TLN2: variants seen among roughly 807,000 people sequenced by gnomAD.
TLN2 encodes talin-2.
A neutral mutation model predicts 294.7 loss-of-function variants in TLN2; 118 were observed. That is an observed-to-expected ratio of 0.40 (90% confidence interval 0.34 to 0.47). TLN2 has a LOEUF of 0.47. TLN2 is among the 20% of genes least tolerant of loss of function. TLN2 has a pLI of 0.84. For synonymous variants in TLN2, 1,431 were observed against 1,304.5 expected, an observed-to-expected ratio of 1.10 and a Z score of -2.09; for missense variants, 3,083 against 3,282.2, an observed-to-expected ratio of 0.94 and a Z score of 1.48.
chr15:62,618,251 A>T (rs1279451967), intron 2 of TLN2, 100 bp from the exon 3 acceptor site: 3 of 152,140 alleles, frequency 2.0e-5, no homozygotes, highest in Non-Finnish European at 4.4e-5. Context: ...ATTTTTGTTT[A>T]GGTATTCTGT....
chr15:62,702,021 G>A lies in TLN2; in HGVS notation c.1726G>A (p.Val576Met). 1 of 1,614,246 alleles carries A rather than the reference G, an allele frequency of 6.2e-7. No homozygotes were observed. The highest frequency in any genetic ancestry group is 8.5e-7 in the Non-Finnish European group (1 of 1,180,054). ...GDPADTDYTA[V>M]GCAITTISSN... Reference sequence around the variant, plus strand: ...CCCTGCAGACACTGACTACACAGCTGTGGGATGTGCGATCACCACTATTTC... The same window carrying A: ...CCCTGCAGACACTGACTACACAGCTATGGGATGTGCGATCACCACTATTTC... Residue 576 changes from valine (V) to methionine (M), a missense_variant, in exon 18 of 59, where the codon GTG becomes ATG. Transcript: ENST00000636159.
chr15:62,442,155 G>A (rs963114426), intron 1 of TLN2, among the ~76,000 whole-genome samples: 9 of 151,868 alleles, frequency 5.9e-5, no homozygotes, highest in East Asian at 1.9e-4. Flanking sequence ...AACTGAGCCC[G>A]CCACCCCGAC....
At chr15:62,423,345 C>T (rs752191662) in intron 1 of TLN2, among the ~76,000 whole-genome samples, 9 of 152,092 alleles carry the variant, frequency 5.9e-5, no homozygotes, top group Non-Finnish European at 1.3e-4. Flanking sequence ...TACTCCAGCC[C>T]AGGTGATAGA....
At position 62,766,311 on chromosome 15, in the gene TLN2, T is replaced by C; in HGVS notation, c.5095-10T>C. 6.2e-7 allele frequency: 1 copy of C among 1,608,728 alleles called. No individual in the cohort carries two copies. Among genetic ancestry groups the C allele is most frequent in the Non-Finnish European group, 8.5e-7 (1 of 1,175,658 alleles). ...TTATGGGATGAACTTGACACTTCTC[T>C]CCTTATCAGGCCCTGCAGGAGCAGC... On this transcript the variant is annotated splice_polypyrimidine_tract_variant and intron_variant, in intron 40 of 58. Coordinates refer to ENST00000636159, the MANE Select transcript of TLN2 (RefSeq NM_015059.3).
chr15:62,682,467 CT>C (rs1305484176), intron 11 of TLN2, among the ~76,000 whole-genome samples: 1 of 152,108 alleles, frequency 6.6e-6, no homozygotes, highest in Admixed American at 6.5e-5. Flanking sequence ...TTCTCAGTGG[CT>C]AGGAAATGTG....
chr15:62,769,285 C>A (rs2063205769), intron 41 of TLN2, among the ~76,000 whole-genome samples: 2 of 152,242 alleles, frequency 1.3e-5, no homozygotes, highest in Admixed American at 1.3e-4. Context: ...GGTGGTGACA[C>A]CAGTGCCCTT....
chr15:62,447,168 TTTGTTTA>T (rs2035864490), intron 1 of TLN2, among the ~76,000 whole-genome samples: 2 of 21,376 alleles, frequency 9.4e-5, no homozygotes, highest in South Asian at 3.1e-3. Context: ...TATTTATTTA[TTTGTTTA>T]TTTATTTATT....
chr15:62,620,262 A>G (rs937716068), intron 3 of TLN2, among the ~76,000 whole-genome samples: 3 of 152,214 alleles, frequency 2.0e-5, no homozygotes, highest in Non-Finnish European at 4.4e-5. Context: ...TAATCAGTGC[A>G]GTAAAAATTT....
At chr15:62,748,730 G>A (rs2061753971) in intron 33 of TLN2, among the ~76,000 whole-genome samples, 1 of 152,220 alleles carries the variant, frequency 6.6e-6, no homozygotes, top group South Asian at 2.1e-4. Context: ...TTTCAAACAG[G>A]AAGAGGCCTG....
chr15:62,622,809 A>C (rs2048947661), intron 3 of TLN2, among the ~76,000 whole-genome samples: 1 of 152,152 alleles, frequency 6.6e-6, no homozygotes. Context: ...TGTCATGGAC[A>C]CTCCAACTTT....
At chr15:62,572,931 C>T (rs1189284734) in intron 1 of TLN2, among the ~76,000 whole-genome samples, 1 of 152,126 alleles carries the variant, frequency 6.6e-6, no homozygotes, top group Non-Finnish European at 1.5e-5. Flanking sequence ...TGCTGTCCTC[C>T]CCTGGCCAAG....
At chr15:62,713,416 C>T (rs964741583) in intron 22 of TLN2, among the ~76,000 whole-genome samples, 9 of 152,030 alleles carry the variant, frequency 5.9e-5, no homozygotes, top group Middle Eastern at 3.4e-3. Context: ...TGGTGGCACA[C>T]GCCTGTAATC....
At chr15:62,667,058 C>T (rs920135660) in intron 9 of TLN2, among the ~76,000 whole-genome samples, 8 of 152,158 alleles carry the variant, frequency 5.3e-5, no homozygotes, top group Non-Finnish European at 8.8e-5. Context: ...CTCCGCCTCC[C>T]GGATTCAGGC....
At chr15:62,794,124 C>A (rs563172426) in intron 46 of TLN2, among the ~76,000 whole-genome samples, 54 of 152,212 alleles carry the variant, frequency 3.5e-4, no homozygotes, top group African/African-American at 1.3e-3. Context: ...GAGAGGGGTC[C>A]GAGCTACATA....
chr15:62,515,877 T>A (rs1000038217), intron 1 of TLN2, among the ~76,000 whole-genome samples: 2 of 152,218 alleles, frequency 1.3e-5, no homozygotes, highest in Non-Finnish European at 2.9e-5. Flanking sequence ...TTATGTGTGC[T>A]GGGCTTGCCC....
At chr15:62,536,041 A>G (rs1304492625) in intron 1 of TLN2, among the ~76,000 whole-genome samples, 1 of 152,112 alleles carries the variant, frequency 6.6e-6, no homozygotes, top group South Asian at 2.1e-4. Flanking sequence ...TTCCTTTGAC[A>G]TTTATTATTA....
chr15:62,488,644 C>G (rs1156383601), intron 1 of TLN2, among the ~76,000 whole-genome samples: 2 of 152,142 alleles, frequency 1.3e-5, no homozygotes, highest in African/African-American at 4.8e-5. Context: ...CCAATTCTGT[C>G]TGATGAAACA....
intron 45 of TLN2, among the ~76,000 whole-genome samples, chr15:62,785,945 G>A (rs2064619702): frequency 6.6e-6 from 1 of 152,194 alleles, no homozygotes; most frequent in African/African-American, 2.4e-5. Flanking sequence ...AGGTTACTTT[G>A]GTTATTGGCC....
intron 1 of TLN2, among the ~76,000 whole-genome samples, chr15:62,472,190 T>TG (rs2037518428): frequency 6.6e-6 from 1 of 152,146 alleles, no homozygotes; most frequent in African/African-American, 2.4e-5. Context: ...TCACCCACTT[T>TG]GGGGTCTGTG....
Sources: allele counts gnomAD v4.1 joint callset (sites outside exome capture counted in the v4.1 genomes callset), GRCh38; gene constraint gnomAD v4.1.1; transcripts MANE v1.5; gene names NCBI Gene and HGNC (gene_info 2026-07-23, HGNC 2026-07-21).